The following FKBP11 variants were observed in gnomAD, a reference collection of about 807,000 sequenced individuals.
FKBP11 encodes the protein FKBP prolyl isomerase 11.
In FKBP11, 21 loss-of-function variants were observed where a neutral mutation model predicts 24.7. The observed-to-expected ratio is 0.85, with a 90% CI of 0.60 to 1.23. The LOEUF (loss-of-function observed/expected upper bound fraction) is 1.23, where lower values mean the gene tolerates loss of function less well. Among genes scored for constraint, FKBP11 ranks in the 50% most tolerant of loss-of-function variants. FKBP11 has a pLI of 0.00. For synonymous variants in FKBP11, 106 were observed against 100.6 expected (o/e 1.05, Z -0.32); for missense variants, 245 against 248.7 (o/e 0.99, Z 0.10).
At position 48,924,188 on chromosome 12, in the gene FKBP11, G is replaced by C. The variant is rs56753830; in HGVS notation, c.317+35C>G. 2,903 of 1,613,416 alleles carry C rather than the reference G, an allele frequency of 1.8e-3. 63 individuals are homozygous for C. The African/African-American group carries it at 0.036, about 20-fold the overall frequency. Reference sequence around the variant, plus strand: ...CGAGAAAGCCTCTACCCATGCAAAGGGGGTACCCAGGCCCACCCCTGCCGA... The same window carrying C: ...CGAGAAAGCCTCTACCCATGCAAAGCGGGTACCCAGGCCCACCCCTGCCGA... On this transcript the variant is annotated intron_variant, in intron 4 of 5. Coordinates refer to ENST00000550765, the MANE Select transcript of FKBP11 (RefSeq NM_016594.3).
In FKBP11 at chr12:48,922,162, A is replaced by G. The variant is rs1435542598; in HGVS notation, c.428T>C (p.Leu143Pro). ...CTTTAGCCAGTAGTTGGCTCGGATT[A>G]GTGCAATCAGCTCCACGTCATACTG... The part of the protein sequence containing the change: ...VVQYDVELIA[L>P]IRANYWLKLV... The change falls in exon 6 of 6, where the codon CTA becomes CCA. Residue 143 changes from leucine (L) to proline (P), a missense_variant. By Grantham distance (98) the Leu-to-Pro change is moderately conservative. Transcript: ENST00000550765. 1 of 1,614,006 alleles carries G rather than the reference A, an allele frequency of 6.2e-7. No individual in the cohort carries two copies. Among genetic ancestry groups the G allele is most frequent in the African/African-American group, 1.3e-5 (1 of 74,930 alleles).
At chr12:48,927,100 G>T (rs1592233332), upstream of FKBP11, among the ~76,000 whole-genome samples, 1 of 152,208 alleles carries the variant, frequency 6.6e-6, no homozygotes, top group Non-Finnish European at 1.5e-5. Context: ...GAGCCAATGC[G>T]CCCAGCCAAC....
At chr12:48,931,744 T>C in the FKBP11 span, 9 of 446,596 alleles carry the variant, frequency 2.0e-5, no homozygotes, top group Non-Finnish European at 1.2e-5. Context: ...ATGACTATTA[T>C]GTGCCAAAGA....
chr12:48,928,692 C>G (rs369785614), upstream of FKBP11, among the ~76,000 whole-genome samples: 3 of 152,018 alleles, frequency 2.0e-5, no homozygotes, highest in East Asian at 5.8e-4. Flanking sequence ...TCGGCCAGGC[C>G]GGTGTTGAAC....
the FKBP11 span, among the ~76,000 whole-genome samples, chr12:48,934,509 G>A: frequency 1.3e-5 from 2 of 152,160 alleles, no homozygotes; most frequent in Non-Finnish European, 1.5e-5. Flanking sequence ...AGAACTGGAA[G>A]GCTTCAGCAA....
At chr12:48,924,916 G>T in intron 2 of FKBP11, 130 bp downstream of exon 2, 1 of 1,436,980 alleles carries the variant, frequency 7.0e-7, no homozygotes. Flanking sequence ...CCCTCGCCAC[G>T]TGCTCGACGA....
chr12:48,930,928 A>T (rs1940040767), upstream of FKBP11, among the ~76,000 whole-genome samples: 1 of 151,870 alleles, frequency 6.6e-6, no homozygotes, highest in Admixed American at 6.6e-5. Context: ...GGATATCGAG[A>T]CCCATCCTGG....
intron 5 of FKBP11, chr12:48,922,696 TAAG>T (rs909897975): frequency 3.0e-6 from 3 of 993,626 alleles, no homozygotes; most frequent in African/African-American, 1.7e-5. Flanking sequence ...GGATGCTGCT[TAAG>T]AAGTAAAGGG....
At chr12:48,931,448 A>G (rs1013333034), upstream of FKBP11, 7 of 1,535,948 alleles carry the variant, frequency 4.6e-6, no homozygotes, top group African/African-American at 9.6e-5. Context: ...GAGGGACCAG[A>G]GAAGGAGCTT....
chr12:48,930,535 G>A (rs1210663179), upstream of FKBP11, among the ~76,000 whole-genome samples: 4 of 152,052 alleles, frequency 2.6e-5, no homozygotes, highest in African/African-American at 9.7e-5. Flanking sequence ...AATATTACAC[G>A]AATAAACAAG....
chr12:48,926,522 T>TTTTC (rs71080160), upstream of FKBP11: 2 of 21,040 alleles, frequency 9.5e-5, no homozygotes, highest in East Asian at 0.011. Context: ...ACCAGATTTC[T>TTTTC]TTTTTTTTTT....
upstream of FKBP11, among the ~76,000 whole-genome samples, chr12:48,930,607 A>G (rs550730165): frequency 5.9e-5 from 9 of 152,354 alleles, no homozygotes; most frequent in African/African-American, 2.2e-4. Context: ...ACAGAGCTAA[A>G]GGAGCCAACG....
chr12:48,928,283 G>C (rs1211173467), upstream of FKBP11, among the ~76,000 whole-genome samples: 1 of 151,498 alleles, frequency 6.6e-6, no homozygotes, highest in Non-Finnish European at 1.5e-5. Flanking sequence ...GGAGTCAAGT[G>C]ATCTGCCCCC....
the FKBP11 span, among the ~76,000 whole-genome samples, chr12:48,932,168 A>AT: frequency 8.1e-6 from 1 of 124,012 alleles, no homozygotes; most frequent in African/African-American, 2.9e-5. Context: ...TAAAAGTAAA[A>AT]ATATATATAT....
At chr12:48,924,348 T>C (rs953277755) in intron 3 of FKBP11, 92 bp from the exon 4 acceptor site, 16 of 1,506,390 alleles carry the variant, frequency 1.1e-5, no homozygotes, top group Middle Eastern at 1.7e-4. Context: ...CCATCCTCAA[T>C]TGACCTTTCC....
chr12:48,928,996 G>A (rs2137563420), upstream of FKBP11, among the ~76,000 whole-genome samples: 1 of 115,342 alleles, frequency 8.7e-6, no homozygotes, highest in South Asian at 3.5e-4. Flanking sequence ...CTAACTTTTT[G>A]TATTTTTTTT....
the FKBP11 span, among the ~76,000 whole-genome samples, chr12:48,932,139 C>T: frequency 7.1e-6 from 1 of 140,428 alleles, no homozygotes; most frequent in Admixed American, 7.5e-5. Context: ...AGTGAAATCC[C>T]ATCTCTATTT....
At chr12:48,934,487 T>C in the FKBP11 span, among the ~76,000 whole-genome samples, 1 of 152,154 alleles carries the variant, frequency 6.6e-6, no homozygotes, top group Non-Finnish European at 1.5e-5. Flanking sequence ...CTTCATCCCC[T>C]ATCCCCTCAA....
chr12:48,922,554 A>G (rs751554373), intron 5 of FKBP11: 67 of 1,016,636 alleles, frequency 6.6e-5, no homozygotes, highest in Non-Finnish European at 7.6e-5. Context: ...CCACACGGAT[A>G]GAGTCTTTGC....
Sources: allele counts gnomAD v4.1 joint callset (sites outside exome capture counted in the v4.1 genomes callset), GRCh38; gene constraint gnomAD v4.1.1; transcripts MANE v1.5; gene names NCBI Gene and HGNC (gene_info 2026-07-23, HGNC 2026-07-21).